Variants in SLC24A4 observed in about 807,000 individuals in gnomAD.
The protein encoded by SLC24A4 is sodium/potassium/calcium exchanger 4.
A neutral mutation model predicts 79.0 loss-of-function variants in SLC24A4; 53 were observed. That is an observed-to-expected ratio of 0.67 (90% confidence interval 0.54 to 0.84). SLC24A4 has a LOEUF of 0.84. Ranked by LOEUF, SLC24A4 falls within the 40% of genes least tolerant of loss-of-function variation. The pLI is 0.00. For synonymous variants in SLC24A4, 323 were observed against 323.8 expected (o/e 1.00, Z 0.03); for missense variants, 731 against 822.0 (o/e 0.89, Z 1.35).
chr14:92,358,100 G>T (rs1391237035), intron 2 of SLC24A4, among the ~76,000 whole-genome samples: 1 of 152,162 alleles, frequency 6.6e-6, no homozygotes, highest in African/African-American at 2.4e-5. Flanking sequence ...ATTAAAGTTG[G>T]TTCTTTTCTA....
chr14:92,439,954 T>C (rs1366393231), intron 4 of SLC24A4, among the ~76,000 whole-genome samples: 1 of 152,260 alleles, frequency 6.6e-6, no homozygotes, highest in African/African-American at 2.4e-5. Flanking sequence ...TCCACCTTAT[T>C]CTTGGCTTCT....
intron 12 of SLC24A4, among the ~76,000 whole-genome samples, chr14:92,459,439 C>T (rs996660828): frequency 6.6e-5 from 10 of 152,122 alleles, no homozygotes; most frequent in Admixed American, 5.2e-4. Flanking sequence ...GGGGCTCTGC[C>T]CTTGCTTGGG....
intron 10 of SLC24A4, 191 bp from the exon 11 acceptor site, chr14:92,453,709 G>A (rs1316384987): frequency 1.1e-5 from 6 of 543,536 alleles, no homozygotes; most frequent in Non-Finnish European, 1.9e-5. Flanking sequence ...AGGTCAGCAG[G>A]TGTTTCAAAG....
chr14:92,439,446 T>C (rs1892369726), intron 4 of SLC24A4, 37 bp downstream of exon 4: 1 of 1,579,978 alleles, frequency 6.3e-7, no homozygotes, highest in African/African-American at 1.3e-5. Flanking sequence ...TGGTGAAGCC[T>C]TGAAGACATG....
intron 13 of SLC24A4, among the ~76,000 whole-genome samples, chr14:92,485,251 C>T (rs144948850): frequency 0.018 from 2,707 of 152,158 alleles, 82 homozygotes; most frequent in African/African-American, 0.061. Context: ...ATCACTTGAG[C>T]CCAGGAGTTC....
chr14:92,481,308 A>C (rs952828914), intron 12 of SLC24A4, among the ~76,000 whole-genome samples: 2 of 152,144 alleles, frequency 1.3e-5, no homozygotes, highest in African/African-American at 4.8e-5. Context: ...TTTTCCTTTT[A>C]TGCTTTTTGG....
intron 2 of SLC24A4, among the ~76,000 whole-genome samples, chr14:92,374,911 G>A (rs1404438597): frequency 6.6e-6 from 1 of 152,040 alleles, no homozygotes; most frequent in Non-Finnish European, 1.5e-5. Flanking sequence ...GTGTTTTTGA[G>A]TCCTCTGGGT....
At chr14:92,346,390 T>C (rs546699927) in intron 2 of SLC24A4, among the ~76,000 whole-genome samples, 2 of 152,184 alleles carry the variant, frequency 1.3e-5, no homozygotes, top group Admixed American at 1.3e-4. Flanking sequence ...AGGCATGAGG[T>C]CACCTGTCCT....
chr14:92,369,803 T>C (rs1293240545), intron 2 of SLC24A4, among the ~76,000 whole-genome samples: 1 of 152,146 alleles, frequency 6.6e-6, no homozygotes, highest in Admixed American at 6.5e-5. Context: ...ACTCACCCAC[T>C]CACCCCGAAG....
intron 3 of SLC24A4, among the ~76,000 whole-genome samples, chr14:92,435,270 T>G (rs1892103957): frequency 6.6e-6 from 1 of 152,202 alleles, no homozygotes; most frequent in South Asian, 2.1e-4. Flanking sequence ...AAGTTACAAG[T>G]CACTCTCTGT....
intron 7 of SLC24A4, 84 bp from the exon 8 acceptor site, chr14:92,445,233 C>T (rs1424423461): frequency 2.0e-6 from 3 of 1,506,462 alleles, no homozygotes; most frequent in Non-Finnish European, 1.8e-6. Context: ...TAAATTGGCT[C>T]TGGGTGCCTG....
At chr14:92,342,398 T>TTATTTATTTATC (rs984689718) in intron 2 of SLC24A4, among the ~76,000 whole-genome samples, 2 of 151,738 alleles carry the variant, frequency 1.3e-5, no homozygotes, top group African/African-American at 4.8e-5. Context: ...ATTTATTTAT[T>TTATTTATTTATC]TTGAGATGGA....
intron 3 of SLC24A4, among the ~76,000 whole-genome samples, chr14:92,437,645 C>T (rs1242905183): frequency 2.0e-5 from 3 of 152,184 alleles, no homozygotes; most frequent in Admixed American, 6.5e-5. Context: ...ATGTCAATGA[C>T]CTGTGCGTTT....
intron 2 of SLC24A4, among the ~76,000 whole-genome samples, chr14:92,389,639 A>G (rs776700497): frequency 2.6e-5 from 4 of 152,134 alleles, no homozygotes; most frequent in Non-Finnish European, 5.9e-5. Flanking sequence ...AAGGGGACAC[A>G]GGCCTAGGTT....
At chr14:92,343,642 C>CCTTCCTTCCT (rs1886324683) in intron 2 of SLC24A4, among the ~76,000 whole-genome samples, 45 of 46,284 alleles carry the variant, frequency 9.7e-4, no homozygotes, top group Middle Eastern at 0.011. Context: ...CTTTCTTTCT[C>CCTTCCTTCCT]TCTTTCCTTC....
intron 7 of SLC24A4, 24 bp downstream of exon 7, chr14:92,443,498 G>T (rs772881631): frequency 1.9e-6 from 3 of 1,613,456 alleles, no homozygotes; most frequent in South Asian, 2.2e-5. Flanking sequence ...CTGCCCCCAA[G>T]GTCAGGTTGG....
At chr14:92,438,366 G>C (rs1465551893) in intron 3 of SLC24A4, among the ~76,000 whole-genome samples, 1 of 152,192 alleles carries the variant, frequency 6.6e-6, no homozygotes, top group Non-Finnish European at 1.5e-5. Context: ...CACTTTGGGA[G>C]GCTGAGGTCA....
chr14:92,492,297 C>T (rs1195772325), intron 16 of SLC24A4, 57 bp downstream of exon 16: 7 of 1,522,032 alleles, frequency 4.6e-6, no homozygotes, highest in African/African-American at 1.4e-5. Flanking sequence ...TCATCTGATT[C>T]CGCCTCGTCA....
intron 2 of SLC24A4, among the ~76,000 whole-genome samples, chr14:92,334,919 A>G (rs1313001293): frequency 6.6e-6 from 1 of 151,984 alleles, no homozygotes; most frequent in Admixed American, 6.5e-5. Flanking sequence ...CGTCATCATC[A>G]TCATCGTCAT....
Sources: allele counts gnomAD v4.1 joint callset (sites outside exome capture counted in the v4.1 genomes callset), GRCh38; gene constraint gnomAD v4.1.1; transcripts MANE v1.5; gene names NCBI Gene and HGNC (gene_info 2026-07-23, HGNC 2026-07-21).